PFDN1: variants seen among roughly 807,000 people sequenced by gnomAD.
PFDN1 encodes the protein prefoldin subunit 1, also known as prefoldin 1.
PFDN1 carries 6 observed loss-of-function variants against 17.3 expected under a neutral mutation model. That is an observed-to-expected ratio of 0.35 (90% CI 0.19 to 0.69). The LOEUF (loss-of-function observed/expected upper bound fraction) is 0.69. Ranked by LOEUF, PFDN1 falls within the 30% of genes least tolerant of loss-of-function variation. The pLI is 0.65. For missense variants in PFDN1, 113 were observed against 146.2 expected (o/e 0.77, Z 1.17); for synonymous variants, 58 against 50.1 (o/e 1.16, Z -0.67).
intron 3 of PFDN1, among the ~76,000 whole-genome samples, chr5:140,250,322 G>C (rs1764894887): frequency 6.6e-6 from 1 of 152,172 alleles, no homozygotes; most frequent in Admixed American, 6.6e-5. Context: ...CAATCCACCA[G>C]GTATGTTCCT....
At position 140,254,240 on chromosome 5, in the gene PFDN1, C is replaced by T. The variant is rs1764955314; in HGVS notation, c.286-8183G>A. On this transcript the variant is annotated intron_variant, in intron 3 of 3. Coordinates refer to ENST00000261813, the MANE Select transcript of PFDN1 (RefSeq NM_002622.5). This position sits in a 1 kb window ranked among gnomAD's most constrained non-coding sequence, Gnocchi z 4.4. ...GCTGGACGGGGCAGGCGGTGGTTTG[C>T]CAGTGTCTGTTCCTTAAAAAGATGG... Among the ~76,000 whole-genome samples the T allele has an allele frequency of 6.6e-6, 1 of 152,118 alleles. No homozygotes were observed. Among genetic ancestry groups the T allele is most frequent in the African/African-American group, 2.4e-5 (1 of 41,416 alleles).
At chr5:140,279,575 C>T (rs957343772) in intron 3 of PFDN1, among the ~76,000 whole-genome samples, 1 of 151,868 alleles carries the variant, frequency 6.6e-6, no homozygotes, top group African/African-American at 2.4e-5. Context: ...GCAATCCTCC[C>T]GCTTCAGCCT....
intron 3 of PFDN1, among the ~76,000 whole-genome samples, chr5:140,276,043 TGA>T (rs1561506656): frequency 2.0e-5 from 3 of 151,904 alleles, no homozygotes; most frequent in Non-Finnish European, 2.9e-5. Context: ...ATGATGATGA[TGA>T]TGATGATGAT....
At chr5:140,248,197 T>C (rs2126677173) in intron 3 of PFDN1, among the ~76,000 whole-genome samples, 1 of 151,510 alleles carries the variant, frequency 6.6e-6, no homozygotes, top group Non-Finnish European at 1.5e-5. Context: ...GCCTCCCAAG[T>C]AGTTGGGATT....
chr5:140,284,065 T>C (rs1024202237), intron 2 of PFDN1, among the ~76,000 whole-genome samples: 6 of 152,210 alleles, frequency 3.9e-5, no homozygotes, highest in African/African-American at 1.4e-4. Context: ...CCTTTAAAAA[T>C]AAAGTATCTG....
chr5:140,274,222 A>G (rs1219964180), intron 3 of PFDN1, among the ~76,000 whole-genome samples: 1 of 152,226 alleles, frequency 6.6e-6, no homozygotes, highest in Admixed American at 6.5e-5. Flanking sequence ...TTTAAAACTG[A>G]ATTTTGTCAA....
intron 2 of PFDN1, among the ~76,000 whole-genome samples, chr5:140,283,436 T>C (rs991322397): frequency 6.6e-6 from 1 of 152,216 alleles, no homozygotes; most frequent in East Asian, 1.9e-4. Flanking sequence ...GGTTTCACCA[T>C]GTTAGCCAGG....
At chr5:140,278,587 AC>A (rs372946890) in intron 3 of PFDN1, among the ~76,000 whole-genome samples, 5 of 131,798 alleles carry the variant, frequency 3.8e-5, no homozygotes, top group East Asian at 2.2e-4. Context: ...AAAAAAAAAA[AC>A]AAAAAACAAA....
intron 3 of PFDN1, among the ~76,000 whole-genome samples, chr5:140,276,186 A>G (rs1223497955): frequency 6.6e-6 from 1 of 152,190 alleles, no homozygotes; most frequent in Non-Finnish European, 1.5e-5. Context: ...AGAGCTCTAA[A>G]TCTGTATCAA....
chr5:140,274,181 G>A (rs1561505370), intron 3 of PFDN1, among the ~76,000 whole-genome samples: 3 of 152,134 alleles, frequency 2.0e-5, no homozygotes. Context: ...AGAAGATATA[G>A]ATCTCAATCT....
intron 2 of PFDN1, among the ~76,000 whole-genome samples, chr5:140,294,592 C>T (rs1252073311): frequency 2.6e-5 from 4 of 152,030 alleles, no homozygotes; most frequent in African/African-American, 9.7e-5. Context: ...ACAATCACAA[C>T]AAAACCAACA....
intron 3 of PFDN1, among the ~76,000 whole-genome samples, chr5:140,279,301 A>G (rs1765353394): frequency 6.6e-6 from 1 of 152,176 alleles, no homozygotes. Flanking sequence ...TATTGCTTTT[A>G]TAATGTAAGT....
At chr5:140,289,951 C>A (rs1487900357) in intron 2 of PFDN1, among the ~76,000 whole-genome samples, 1 of 152,174 alleles carries the variant, frequency 6.6e-6, no homozygotes, top group Non-Finnish European at 1.5e-5. Context: ...TACTAACCTC[C>A]TGAATAGCTT....
At chr5:140,255,938 A>C (rs557173133) in intron 3 of PFDN1, among the ~76,000 whole-genome samples, 10 of 151,272 alleles carry the variant, frequency 6.6e-5, no homozygotes, top group Admixed American at 1.3e-4. Context: ...TCACACTTCT[A>C]CCTCCTCTAA....
chr5:140,266,854 T>G (rs1190821759), intron 3 of PFDN1, among the ~76,000 whole-genome samples: 1 of 152,270 alleles, frequency 6.6e-6, no homozygotes, highest in East Asian at 1.9e-4. Flanking sequence ...GAGAGCTGCT[T>G]CTATTATTAT....
intron 3 of PFDN1, among the ~76,000 whole-genome samples, chr5:140,258,515 G>A (rs143136704): frequency 6.6e-6 from 1 of 152,030 alleles, no homozygotes; most frequent in South Asian, 2.1e-4. Flanking sequence ...AACCTATTAG[G>A]AGGCCACTGC....
intron 3 of PFDN1, among the ~76,000 whole-genome samples, chr5:140,251,716 A>G (rs974441372): frequency 7.2e-5 from 11 of 152,142 alleles, no homozygotes; most frequent in African/African-American, 2.7e-4. Context: ...ACAAACTCTG[A>G]GATTTCCTGT....
chr5:140,285,363 A>T (rs981560215), intron 2 of PFDN1, among the ~76,000 whole-genome samples: 1 of 151,984 alleles, frequency 6.6e-6, no homozygotes, highest in Non-Finnish European at 1.5e-5. Context: ...AAAAAAAAAA[A>T]GAATGAGCCT....
chr5:140,260,819 AAT>A (rs35629165), intron 3 of PFDN1, among the ~76,000 whole-genome samples: 28,643 of 151,564 alleles, frequency 0.19, 2,927 homozygotes, highest in South Asian at 0.24. Context: ...CACTTTAAAA[AAT>A]ATATATATCT....
Sources: allele counts gnomAD v4.1 joint callset (sites outside exome capture counted in the v4.1 genomes callset), GRCh38; gene constraint gnomAD v4.1.1; non-coding constraint Gnocchi (gnomAD v3.1); transcripts MANE v1.5; gene names NCBI Gene and HGNC (gene_info 2026-07-23, HGNC 2026-07-21).